PAPLN: variants seen among roughly 807,000 people sequenced by gnomAD.
The protein encoded by PAPLN is papilin.
Under a neutral mutation model 159.0 loss-of-function variants are expected in PAPLN, and 146 were observed. That is an observed-to-expected ratio of 0.92 (90% CI 0.80 to 1.05). PAPLN has a LOEUF of 1.05. Among genes scored for constraint, PAPLN ranks in the 50% least tolerant of loss-of-function variants. PAPLN has a pLI of 0.00. For missense variants in PAPLN, 1,720 were observed against 1,743.9 expected (o/e 0.99, Z 0.24); for synonymous variants, 734 against 702.9 (o/e 1.04, Z -0.70).
At chr14:73,252,524 G>C in intron 10 of PAPLN, 125 bp from the exon 11 acceptor site, 2 of 1,272,026 alleles carry the variant, frequency 1.6e-6, no homozygotes, top group Non-Finnish European at 2.1e-6. Flanking sequence ...CACCTGCCTC[G>C]GGGGGGTCAT....
intron 5 of PAPLN, among the ~76,000 whole-genome samples, chr14:73,246,428 G>A (rs1277890091): frequency 1.7e-5 from 2 of 116,688 alleles, no homozygotes; most frequent in African/African-American, 6.5e-5. Flanking sequence ...TTTTTTTTTG[G>A]GTGGGCGCGG....
rs2140325635 is a variant in PAPLN at position 73,273,637 on chromosome 14, G to A, written c.*973G>A. The A allele has an allele frequency of 6.6e-6, 1 of 152,314 alleles. No homozygotes were observed. The highest frequency in any genetic ancestry group is 6.5e-5 in the Admixed American group (1 of 15,284). 9.4% of individuals were successfully genotyped at this position (152,314 alleles called of 1,614,324 possible). ...CTGTCAGGGTTCCACTTAATTTAAA[G>A]CTGGGCAGGGAGATGTGTAATGATT... On this transcript the variant is annotated 3_prime_UTR_variant, in exon 27 of 27. Coordinates refer to ENST00000644200, the MANE Select transcript of PAPLN (RefSeq NM_001365906.3).
rs536234870 is a variant in PAPLN at position 73,254,911 on chromosome 14, G to T, written c.1520G>T (p.Arg507Leu). 5.6e-6 allele frequency: 9 copies of T among 1,612,932 alleles called. No individual in the cohort carries two copies. The East Asian group carries it at 2.0e-4, about 36-fold the overall frequency. Residue 507 changes from arginine to leucine, a missense_variant, in exon 14 of 27, where the codon CGA (arginine) becomes CTA (leucine). By Grantham distance (102) the Arg-to-Leu change is moderately radical (BLOSUM62 -2). Coordinates refer to ENST00000644200, the MANE Select transcript of PAPLN (RefSeq NM_001365906.3). Reference sequence around the variant, plus strand: ...AGCTGCAGCTCGGGCACTCGGAGGCGACAGGTCATCTGTGCCATTGGGCCG... The same window carrying T: ...AGCTGCAGCTCGGGCACTCGGAGGCTACAGGTCATCTGTGCCATTGGGCCG... ...SKSCSSGTRR[R>L]QVICAIGPPS...
In PAPLN at chr14:73,245,933, C is replaced by CG. The variant is rs1052768805; in HGVS notation, c.232-134dup. 15 of 957,652 alleles carry CG rather than the reference C, an allele frequency of 1.6e-5. No individual in the cohort carries two copies. The highest frequency in any genetic ancestry group is 1.5e-4 in the Admixed American group (5 of 33,732). The allele number at this position is 957,652 out of a possible 1,614,324, so 59.3% of individuals were successfully genotyped here. ...GGGCACGCACAGGAGTTCGGGGGTC[C>CG]GGGGGGCGGACTCCACCTCCGGCGG... On this transcript the variant is annotated intron_variant, in intron 4 of 26. Transcript: ENST00000644200. The surrounding 1 kb of genome is among the most constrained non-coding windows in gnomAD (Gnocchi z 4.2).
At position 73,259,026 on chromosome 14, in the gene PAPLN, A is replaced by T; in HGVS notation, c.1675A>T (p.Met559Leu). The T allele has an allele frequency of 6.2e-7, 1 of 1,612,008 alleles. No homozygotes were observed. The highest frequency in any genetic ancestry group is 8.5e-7 in the Non-Finnish European group (1 of 1,179,218). Residue 559 changes from methionine (M) to leucine (L), a missense_variant, in exon 15 of 27, where the codon ATG becomes TTG. Transcript: ENST00000644200. ...DVHTPASNPW[M>L]PLGPQESPAS... is the part of the protein sequence containing the mutation. ...GCACACCCCTGCCAGCAACCCCTGG[A>T]TGCCGTTGGGCCCTCAGGAGTCCCC...
chr14:73,236,892 A>T (rs1369568149), upstream of PAPLN, among the ~76,000 whole-genome samples: 7 of 112,760 alleles, frequency 6.2e-5, no homozygotes. Context: ...GGAGGAAAGT[A>T]GAAAGAAAGA....
intron 23 of PAPLN, 76 bp from the exon 24 acceptor site, chr14:73,266,425 C>G: frequency 1.3e-6 from 2 of 1,552,288 alleles, no homozygotes; most frequent in Non-Finnish European, 1.7e-6. Context: ...CTCCCTGACC[C>G]CATGCTCGAG....
rs763117638 is a variant in PAPLN at position 73,251,992 on chromosome 14, C to A, written c.844-26C>A. 2.0e-5 allele frequency: 32 copies of A among 1,590,038 alleles called. 1 individual carries two copies. The South Asian group carries it at 3.4e-4, about 17-fold the overall frequency. ...TGTGGGAGTGCTCCCCAGCAGCAGA[C>A]CCCAACAAGGACTCTCCCGTGACAG... On this transcript the variant is annotated intron_variant, in intron 9 of 26. Transcript: ENST00000644200.
chr14:73,265,422 C>T lies in PAPLN; in HGVS notation c.3178C>T (p.Arg1060Trp), dbSNP rs772777973. The T allele has an allele frequency of 3.0e-5, 49 of 1,612,660 alleles. No individual in the cohort carries two copies. The Middle Eastern group carries it at 6.6e-4, about 22-fold the overall frequency. Residue 1060 changes from arginine (R) to tryptophan (W), a missense_variant, in exon 23 of 27, where the codon CGG (arginine) becomes TGG (tryptophan). Transcript: ENST00000644200. This position sits in a 1 kb window ranked among gnomAD's most constrained non-coding sequence, Gnocchi z 4.1. Reference sequence around the variant, plus strand: ...GGTGGTGGATGCCAGTCCAGGCCAGCGGATCCGGATGACCTGCCGTGCCGA... The same window carrying T: ...GGTGGTGGATGCCAGTCCAGGCCAGTGGATCCGGATGACCTGCCGTGCCGA... Reference protein sequence around the residue: ...PRVVDASPGQRIRMTCRAEGF... With the variant: ...PRVVDASPGQWIRMTCRAEGF...
intron 6 of PAPLN, among the ~76,000 whole-genome samples, 185 bp downstream of exon 6, chr14:73,250,299 C>T (rs1885095591): frequency 6.6e-6 from 1 of 152,230 alleles, no homozygotes; most frequent in African/African-American, 2.4e-5. Flanking sequence ...TGGCCCCTCA[C>T]CTTCATCCTT....
In PAPLN at chr14:73,253,908, C is replaced by T. The variant is rs766868993; in HGVS notation, c.1249C>T (p.Gln417Ter). ...AGLPGKPPAIQACNLQRCAAW... is the reference protein window; with the variant it reads ...AGLPGKPPAI Reference sequence around the variant, plus strand: ...GCTGCCTGGGAAGCCCCCTGCCATTCAGGCCTGTAACCTGCAGCGCTGTGC... The same window carrying T: ...GCTGCCTGGGAAGCCCCCTGCCATTTAGGCCTGTAACCTGCAGCGCTGTGC... The change falls in exon 12 of 27, where the codon CAG (glutamine) becomes TAG (stop). Residue 417 changes from glutamine (Q) to a stop codon, truncating the protein, a stop_gained. Transcript: ENST00000644200. LOFTEE classifies it high-confidence loss of function. The T allele has an allele frequency of 2.5e-6, 4 of 1,613,188 alleles. No homozygotes were observed. The highest frequency in any genetic ancestry group is 1.3e-5 in the African/African-American group (1 of 74,910).
chr14:73,252,578 C>A, intron 10 of PAPLN, 71 bp from the exon 11 acceptor site: 2 of 1,557,598 alleles, frequency 1.3e-6, no homozygotes, highest in South Asian at 1.2e-5. Flanking sequence ...TGCAGGATGG[C>A]GCCTGGCCCA....
At chr14:73,254,443 G>C in intron 12 of PAPLN, 70 bp from the exon 13 acceptor site, 1 of 1,569,608 alleles carries the variant, frequency 6.4e-7, no homozygotes, top group Non-Finnish European at 8.7e-7. Flanking sequence ...CTGGTGGGCC[G>C]CTAGCTGTCC....
rs779842389 is a variant in PAPLN, at chr14:73,259,284, G to C, written c.1724G>C (p.Trp575Ser). The C allele has an allele frequency of 3.2e-6, 5 of 1,566,464 alleles. No homozygotes were observed. The highest frequency in any genetic ancestry group is 4.3e-6 in the Non-Finnish European group (5 of 1,154,074). The change falls in exon 16 of 27, where the codon TGG (tryptophan) becomes TCG (serine). Residue 575 changes from tryptophan (W) to serine (S), a missense_variant. Trp to Ser is a radical substitution (Grantham distance 177). Transcript: ENST00000644200. Reference protein sequence around the residue: ...ESPASDSRGQWWAAQEHPSAR... With the variant: ...ESPASDSRGQSWAAQEHPSAR... ...TTCTTTCTAGACTCCAGAGGCCAGT[G>C]GTGGGCAGCCCAGGAACACCCCTCA...
In PAPLN at chr14:73,266,595, C is replaced by G. The variant is rs199905623; in HGVS notation, c.3358C>G (p.Arg1120Gly). The change falls in exon 24 of 27, where the codon CGA becomes GGA. Residue 1120 changes from arginine to glycine, a missense_variant. Transcript: ENST00000644200. Reference sequence around the variant, plus strand: ...CTGTGTCGCTTTCAATGGGCAGGACCGAGACCAGCGATGGGTCCAGCTCAG... The same window carrying G: ...CTGTGTCGCTTTCAATGGGCAGGACGGAGACCAGCGATGGGTCCAGCTCAG... The part of the protein sequence containing the change: ...YTCVAFNGQD[R>G]DQRWVQLRVL... The G allele has an allele frequency of 3.1e-5, 50 of 1,614,144 alleles. No individual in the cohort carries two copies. In the South Asian group the frequency reaches 5.5e-4, roughly 18 times the overall value.
chr14:73,273,001 G>A lies in PAPLN; in HGVS notation c.*337G>A, dbSNP rs1887869707. 5.6e-6 allele frequency: 1 copy of A among 177,950 alleles called. No individual in the cohort carries two copies. The highest frequency in any genetic ancestry group is 6.1e-5 in the Admixed American group (1 of 16,470). The allele number at this position is 177,950 out of a possible 1,614,324, so 11.0% of individuals were successfully genotyped here. On this transcript the variant is annotated 3_prime_UTR_variant, in exon 27 of 27. Coordinates refer to ENST00000644200, the MANE Select transcript of PAPLN (RefSeq NM_001365906.3). ...ATGCATTTGTTTGTTTGTTTTTTGA[G>A]ACAGAGTTTCACTCTTGTTGCCCAG...
intron 5 of PAPLN, 112 bp from the exon 6 acceptor site, chr14:73,249,872 C>G (rs948853783): frequency 5.1e-5 from 66 of 1,285,704 alleles, no homozygotes; most frequent in Non-Finnish European, 6.8e-5. Context: ...TCTGCGGGGC[C>G]TGCTGCAGGG....
Position 73,239,849 on chromosome 14 carries a change from C to G in PAPLN, c.54+17C>G. On this transcript the variant is annotated intron_variant, in intron 2 of 26. Transcript: ENST00000644200. ...GGGTCCTCGGTGAGTGCGGTCCTGC[C>G]CCGGCCCCCGGAGGAACCTGCAGGG... The G allele has an allele frequency of 6.4e-7, 1 of 1,570,766 alleles. No homozygotes were observed. Among genetic ancestry groups the G allele is most frequent in the Non-Finnish European group, 8.6e-7 (1 of 1,164,046 alleles).
intron 11 of PAPLN, chr14:73,253,131 C>T (rs758968497): frequency 1.4e-6 from 2 of 1,391,036 alleles, no homozygotes; most frequent in Non-Finnish European, 1.9e-6. Context: ...GGCCTGTTGG[C>T]ATCGGCCATG....
Sources: gnomAD v4.1 joint callset for allele counts (sites outside exome capture counted in the v4.1 genomes callset) on GRCh38, gnomAD v4.1.1 for gene constraint, Gnocchi (gnomAD v3.1) non-coding constraint, MANE v1.5 for transcripts, NCBI Gene and HGNC (gene_info 2026-07-23, HGNC 2026-07-21) for gene names.